The following TMTC2 variants were observed in gnomAD, a reference collection of about 807,000 sequenced individuals.
TMTC2 encodes protein O-mannosyl-transferase TMTC2.
Under a neutral mutation model 82.4 loss-of-function variants are expected in TMTC2, and 43 were observed. The ratio of observed to expected loss-of-function variants is 0.52; its 90% CI spans 0.41 to 0.67. The LOEUF (loss-of-function observed/expected upper bound fraction) is 0.67, where lower values mean the gene tolerates loss of function less well. TMTC2 is among the 30% of genes least tolerant of loss of function. The pLI, the probability that TMTC2 is intolerant of heterozygous loss-of-function variation, is 0.00. For synonymous variants in TMTC2, 408 were observed against 381.9 expected (o/e 1.07, Z -0.80); for missense variants, 919 against 1,012.4 (o/e 0.91, Z 1.25).
chr12:83,030,743 G>T, intron 8 of TMTC2, 55 bp from the exon 9 acceptor site: 1 of 1,375,184 alleles, frequency 7.3e-7, no homozygotes, highest in African/African-American at 1.4e-5. Flanking sequence ...GGCCCAGGCA[G>T]TGAAGAATCC....
intron 7 of TMTC2, among the ~76,000 whole-genome samples, chr12:82,967,818 C>T (rs1878284752): frequency 6.6e-6 from 1 of 152,072 alleles, no homozygotes; most frequent in Admixed American, 6.6e-5. Flanking sequence ...TTTCCCTTTT[C>T]ATTAAACCTG....
intron 10 of TMTC2, among the ~76,000 whole-genome samples, chr12:83,058,111 A>G (rs565716037): frequency 6.6e-6 from 1 of 151,794 alleles, no homozygotes; most frequent in Non-Finnish European, 1.5e-5. Flanking sequence ...TCCAAAATAT[A>G]CTTTTCTAAA....
At chr12:82,774,206 C>T (rs950547574) in intron 1 of TMTC2, among the ~76,000 whole-genome samples, 5 of 151,754 alleles carry the variant, frequency 3.3e-5, no homozygotes, top group South Asian at 2.1e-4. Context: ...TATATGTACA[C>T]GTGTACACAA....
intron 10 of TMTC2, among the ~76,000 whole-genome samples, chr12:83,057,960 G>A (rs1188777262): frequency 2.0e-5 from 3 of 151,792 alleles, no homozygotes; most frequent in Non-Finnish European, 1.5e-5. Flanking sequence ...ACATAAAAAT[G>A]TGGTTAATCG....
chr12:82,912,160 T>G (rs9308328), intron 3 of TMTC2, among the ~76,000 whole-genome samples: 18,270 of 152,190 alleles, frequency 0.12, 2,705 homozygotes, highest in African/African-American at 0.36. Flanking sequence ...TTTAAACATA[T>G]GTTTTAATTA....
At chr12:82,981,430 A>G (rs1300779836) in intron 7 of TMTC2, among the ~76,000 whole-genome samples, 1 of 151,842 alleles carries the variant, frequency 6.6e-6, no homozygotes, top group Non-Finnish European at 1.5e-5. Flanking sequence ...TTTGTTCTAC[A>G]TCTGAAACTG....
intron 1 of TMTC2, among the ~76,000 whole-genome samples, chr12:82,780,014 A>G (rs1458395157): frequency 2.1e-5 from 3 of 142,926 alleles, no homozygotes; most frequent in African/African-American, 8.1e-5. Context: ...AAAGATGGGT[A>G]TTTTTTAGGT....
intron 11 of TMTC2, among the ~76,000 whole-genome samples, chr12:83,074,003 G>A (rs978460526): frequency 6.6e-6 from 1 of 151,994 alleles, no homozygotes; most frequent in African/African-American, 2.4e-5. Flanking sequence ...TTCTTGGTTT[G>A]GATCCATTGC....
chr12:82,725,378 T>C (rs901861273), intron 1 of TMTC2, among the ~76,000 whole-genome samples: 18 of 152,334 alleles, frequency 1.2e-4, no homozygotes, highest in African/African-American at 4.1e-4. Flanking sequence ...TTAATATTAA[T>C]TTTTTATTGG....
Position 82,857,364 on chromosome 12 carries a change from C to T in TMTC2, c.438C>T (p.Leu146=). 1 of 1,614,186 alleles carries T rather than the reference C, an allele frequency of 6.2e-7. No homozygotes were observed. The highest frequency in any genetic ancestry group is 8.5e-7 in the Non-Finnish European group (1 of 1,180,026). The part of the protein sequence containing the change: ...IVGRADVGAS[L]FFLLSLLCYI... ...GACGAGCCGATGTCGGGGCCAGTCT[C>T]TTCTTTCTCCTCTCCTTGCTCTGCT... Residue 146 remains leucine, a synonymous_variant, in exon 2 of 12, where the codon CTC becomes CTT. Transcript: ENST00000321196.
At chr12:82,815,304 A>C (rs1159505786) in intron 1 of TMTC2, among the ~76,000 whole-genome samples, 1 of 143,264 alleles carries the variant, frequency 7.0e-6, no homozygotes, top group Non-Finnish European at 1.5e-5. Context: ...TTAATTAATT[A>C]ATTAATTATT....
At chr12:82,795,962 G>T (rs1057384345) in intron 1 of TMTC2, among the ~76,000 whole-genome samples, 1 of 152,174 alleles carries the variant, frequency 6.6e-6, no homozygotes, top group African/African-American at 2.4e-5. Context: ...TTTATATGTT[G>T]TAGATTGAGG....
At chr12:82,954,301 A>G (rs186509156) in intron 4 of TMTC2, among the ~76,000 whole-genome samples, 21 of 151,782 alleles carry the variant, frequency 1.4e-4, no homozygotes, top group Admixed American at 3.9e-4. Context: ...TAGGAACTTC[A>G]CCTCACCTGT....
At chr12:83,032,986 A>G (rs574120707) in intron 9 of TMTC2, among the ~76,000 whole-genome samples, 3 of 152,358 alleles carry the variant, frequency 2.0e-5, no homozygotes, top group South Asian at 2.1e-4. Context: ...TACATACATT[A>G]TAAGAAGTAT....
chr12:82,714,155 G>A (rs1350554868), intron 1 of TMTC2, among the ~76,000 whole-genome samples: 1 of 152,210 alleles, frequency 6.6e-6, no homozygotes, highest in Non-Finnish European at 1.5e-5. Flanking sequence ...TGTAGAGGCA[G>A]AGAGTAGATT....
intron 2 of TMTC2, among the ~76,000 whole-genome samples, chr12:82,873,232 TG>T (rs1872302600): frequency 6.6e-6 from 1 of 151,746 alleles, no homozygotes; most frequent in Non-Finnish European, 1.5e-5. Flanking sequence ...TGTGTGTGTG[TG>T]TGTGTGTGTG....
chr12:83,117,138 T>C (rs1884787230), intron 11 of TMTC2, among the ~76,000 whole-genome samples: 1 of 152,208 alleles, frequency 6.6e-6, no homozygotes, highest in Admixed American at 6.5e-5. Context: ...TTTATTCTCT[T>C]ACGTGTGGCT....
chr12:83,078,044 T>C (rs1883347523), intron 11 of TMTC2, among the ~76,000 whole-genome samples: 2 of 152,048 alleles, frequency 1.3e-5, no homozygotes, highest in South Asian at 4.2e-4. Context: ...GGTAGGAGAA[T>C]TCTTGCTGAA....
intron 3 of TMTC2, among the ~76,000 whole-genome samples, chr12:82,912,244 A>G (rs1157545415): frequency 1.3e-5 from 2 of 152,208 alleles, no homozygotes; most frequent in Non-Finnish European, 1.5e-5. Context: ...ATCAGCTCAG[A>G]GTCAAGTTTT....
Sources: gnomAD v4.1 joint callset for allele counts (sites outside exome capture counted in the v4.1 genomes callset) on GRCh38, gnomAD v4.1.1 for gene constraint, MANE v1.5 for transcripts, NCBI Gene and HGNC (gene_info 2026-07-23, HGNC 2026-07-21) for gene names.